TP53I13: variants seen among roughly 807,000 people sequenced by gnomAD.
The protein encoded by TP53I13 is tumor protein p53 inducible protein 13.
Under a neutral mutation model 39.1 loss-of-function variants are expected in TP53I13, and 27 were observed. The ratio of observed to expected loss-of-function variants is 0.69; its 90% CI spans 0.51 to 0.95. TP53I13 has a LOEUF of 0.95. TP53I13 is among the 40% of genes least tolerant of loss of function. The pLI, the probability that TP53I13 is intolerant of heterozygous loss-of-function variation, is 0.00. For synonymous variants in TP53I13, 230 were observed against 224.6 expected (o/e 1.02, Z -0.22); for missense variants, 544 against 520.4 (o/e 1.05, Z -0.44).
chr17:29,566,488 A>G (rs2032714798), upstream of TP53I13: 1 of 1,611,978 alleles, frequency 6.2e-7, no homozygotes, highest in East Asian at 2.2e-5. Flanking sequence ...GATCACCAGA[A>G]GCACCGCAGG....
the TP53I13 span, chr17:29,578,228 G>A: frequency 7.9e-7 from 1 of 1,267,148 alleles, no homozygotes. Context: ...TCTTAGCCCA[G>A]TAAAGGACCA....
In TP53I13 at chr17:29,572,866, G is replaced by GGAGACCCCTCCTCCCGCCC. The variant is rs1567764030; in HGVS notation, c.1125_1143dup (p.Thr382GlufsTer70). ...TCGCGCCGGGTCAAGCGCTCGCGCC[G>GGAGACCCCTCCTCCCGCCC]GAGACCCCTCCTCCCGCCCACGCCG... On this transcript the variant is annotated frameshift_variant, in exon 7 of 7. Transcript: ENST00000301057. LOFTEE classifies it high-confidence loss of function. 1.3e-6 allele frequency: 2 copies of GGAGACCCCTCCTCCCGCCC among 1,522,106 alleles called. No homozygotes were observed. Among genetic ancestry groups the GGAGACCCCTCCTCCCGCCC allele is most frequent in the Admixed American group, 4.0e-5 (2 of 50,004 alleles). The allele number at this position is 1,522,106 out of a possible 1,614,324, so 94.3% of individuals were successfully genotyped here. A position where few individuals can be genotyped will look rare whatever the true frequency, so the allele number is the denominator to read the frequency against.
At position 29,568,913 on chromosome 17, in the gene TP53I13, G is replaced by A. The variant is rs1247944041; in HGVS notation, c.72+83G>A. ...AAGTTCGTCCTGGAAGGAGTGGCGC[G>A]CCGAGGGGGACGCGGAGTTCTTCCG... On this transcript the variant is annotated intron_variant, in intron 1 of 6. Coordinates refer to ENST00000301057, the MANE Select transcript of TP53I13 (RefSeq NM_138349.4). This position sits in a 1 kb window ranked among gnomAD's most constrained non-coding sequence, Gnocchi z 4.5. 1.3e-6 allele frequency: 2 copies of A among 1,596,128 alleles called. No homozygotes were observed. Among genetic ancestry groups the A allele is most frequent in the Non-Finnish European group, 1.7e-6 (2 of 1,174,716 alleles).
chr17:29,578,597 C>T, the TP53I13 span: 1 of 904,460 alleles, frequency 1.1e-6, no homozygotes, highest in Non-Finnish European at 1.9e-6. Flanking sequence ...GAGGGGACTG[C>T]TGAGGCCAGT....
At chr17:29,575,013 G>A (rs772980806), downstream of TP53I13, 3 of 1,479,314 alleles carry the variant, frequency 2.0e-6, no homozygotes, top group East Asian at 2.3e-5. This position sits in a 1 kb window ranked among gnomAD's most constrained non-coding sequence, Gnocchi z 5.5. Context: ...GCGATCAGAT[G>A]GGATTCTCCA....
intron 3 of TP53I13, 151 bp from the exon 4 acceptor site, chr17:29,571,440 C>A: frequency 1.9e-6 from 2 of 1,035,426 alleles, no homozygotes; most frequent in Non-Finnish European, 2.8e-6. Context: ...TGCCAATACC[C>A]AGGGCCCTTT....
the TP53I13 span, chr17:29,579,103 G>T: frequency 1.2e-6 from 1 of 856,716 alleles, no homozygotes; most frequent in Non-Finnish European, 2.0e-6. Context: ...ACGCACACCC[G>T]GCCCAGAAGG....
At chr17:29,574,755 C>T (rs975963915), downstream of TP53I13, 8 of 1,613,388 alleles carry the variant, frequency 5.0e-6, no homozygotes, top group Admixed American at 1.7e-5. Flanking sequence ...GCAGCCTTGG[C>T]GATGTCATAG....
In TP53I13 at chr17:29,572,270, G is replaced by A. The variant is rs761384716; in HGVS notation, c.642G>A (p.Gln214=). ...RRRLRAALGP[Q]PTRSALRFPS... The stretch of plus-strand genomic sequence containing the variant: ...GGCTGCGGGCTGCCCTTGGTCCCCA[G>A]CCCACTCGCTCAGCCCTGAGGTTTC... Residue 214 remains glutamine (Q), a synonymous_variant, in exon 6 of 7, where the codon CAG becomes CAA. Transcript: ENST00000301057. 6.2e-7 allele frequency: 1 copy of A among 1,612,812 alleles called. No individual in the cohort carries two copies. Among genetic ancestry groups the A allele is most frequent in the Non-Finnish European group, 8.5e-7 (1 of 1,180,000 alleles).
chr17:29,578,103 C>T (rs890453177), downstream of TP53I13, among the ~76,000 whole-genome samples: 2 of 152,176 alleles, frequency 1.3e-5, no homozygotes, highest in Non-Finnish European at 2.9e-5. Context: ...GGGAGGAGCA[C>T]GCTAGCCGCC....
At chr17:29,576,934 C>A, downstream of TP53I13, 1 of 1,591,966 alleles carries the variant, frequency 6.3e-7, no homozygotes, top group Non-Finnish European at 8.5e-7. Flanking sequence ...TCAGAGGCCA[C>A]GCTGTCGTAG....
chr17:29,576,296 G>T (rs1471537920), downstream of TP53I13: 1 of 1,612,844 alleles, frequency 6.2e-7, no homozygotes, highest in Admixed American at 1.7e-5. Flanking sequence ...GGCAGAGCCA[G>T]GTTCATACAT....
At chr17:29,579,095 G>C in the TP53I13 span, 4 of 926,846 alleles carry the variant, frequency 4.3e-6, no homozygotes, top group Non-Finnish European at 7.1e-6. Flanking sequence ...CCATCTCCAC[G>C]CACACCCGGC....
At chr17:29,568,623 C>A, upstream of TP53I13, 1 of 392,210 alleles carries the variant, frequency 2.5e-6, no homozygotes, top group Non-Finnish European at 3.5e-6. The surrounding 1 kb of genome is among the most constrained non-coding windows in gnomAD (Gnocchi z 4.5). Flanking sequence ...TGGGGAGGGG[C>A]GCGCGCGAGC....
Position 29,572,326 on chromosome 17 carries a change from A to G in TP53I13, c.698A>G (p.Lys233Arg), listed in dbSNP as rs2032975679. The change falls in exon 6 of 7, where the codon AAG (lysine) becomes AGG (arginine). Residue 233 changes from lysine (K) to arginine (R), a missense_variant. Physicochemically the swap from Lys to Arg is conservative, Grantham distance 26. Transcript: ENST00000301057. ...PSASPGSLKA[K>R]QSMAGIPGRE... ...GCTTCCCCAGGGAGCTTGAAGGCCA[A>G]GCAGTCCATGGCGGGAATCCCTGGT... 1 of 1,612,496 alleles carries G rather than the reference A, an allele frequency of 6.2e-7. No homozygotes were observed. Among genetic ancestry groups the G allele is most frequent in the South Asian group, 1.1e-5 (1 of 91,068 alleles).
chr17:29,576,196 C>G (rs764616333), downstream of TP53I13: 14 of 1,608,156 alleles, frequency 8.7e-6, no homozygotes, highest in Non-Finnish European at 1.2e-5. Flanking sequence ...TCTCCCCACA[C>G]CTTGAGACCC....
the TP53I13 span, chr17:29,578,234 G>A: frequency 1.5e-6 from 2 of 1,306,564 alleles, no homozygotes; most frequent in Admixed American, 1.7e-5. Flanking sequence ...CCCAGTAAAG[G>A]ACCAGAGACC....
intron 5 of TP53I13, 35 bp downstream of exon 5, chr17:29,572,092 G>A (rs201515753): frequency 1.9e-5 from 30 of 1,611,702 alleles, no homozygotes; most frequent in East Asian, 6.7e-5. Context: ...GTTGGCCCTC[G>A]GGTTCTCTGA....
downstream of TP53I13, chr17:29,573,561 CAGGGAAG>C (rs2033065626): frequency 6.6e-6 from 1 of 152,592 alleles, no homozygotes; most frequent in African/African-American, 2.4e-5. Context: ...GCCTGGCCCC[CAGGGAAG>C]AAGCGGGATG....
Sources: allele counts gnomAD v4.1 joint callset (sites outside exome capture counted in the v4.1 genomes callset), GRCh38; gene constraint gnomAD v4.1.1; non-coding constraint Gnocchi (gnomAD v3.1); transcripts MANE v1.5; gene names NCBI Gene and HGNC (gene_info 2026-07-23, HGNC 2026-07-21).